DENND1B: variants seen among roughly 807,000 people sequenced by gnomAD.
DENND1B encodes DENN domain containing 1B, also known as DENN domain-containing protein 1B.
DENND1B carries 59 observed loss-of-function variants against 90.1 expected under a neutral mutation model. The ratio of observed to expected loss-of-function variants is 0.65; its 90% CI spans 0.53 to 0.81. The LOEUF is 0.81. Among genes scored for constraint, DENND1B ranks in the 40% least tolerant of loss-of-function variants. DENND1B has a pLI of 0.00. For synonymous variants in DENND1B, 337 were observed against 324.6 expected, an observed-to-expected ratio of 1.04 and a Z score of -0.41; for missense variants, 862 against 912.6, an observed-to-expected ratio of 0.94 and a Z score of 0.71.
At chr1:197,584,108 A>G (rs1674486626) in intron 14 of DENND1B, among the ~76,000 whole-genome samples, 1 of 152,198 alleles carries the variant, frequency 6.6e-6, no homozygotes. Context: ...TGTCATAGGA[A>G]AAAGAAAAAG....
chr1:197,615,981 G>GA (rs1423341917), intron 11 of DENND1B, among the ~76,000 whole-genome samples: 3 of 150,816 alleles, frequency 2.0e-5, no homozygotes, highest in African/African-American at 7.3e-5. Flanking sequence ...AAAAGATCTG[G>GA]AAAAAAATTA....
intron 2 of DENND1B, among the ~76,000 whole-genome samples, chr1:197,737,154 A>C (rs1488787684): frequency 6.6e-6 from 1 of 152,130 alleles, no homozygotes; most frequent in Non-Finnish European, 1.5e-5. Flanking sequence ...CCTTTCCTAC[A>C]ATCAGCTATA....
At chr1:197,540,880 C>T (rs2125655835) in intron 19 of DENND1B, 79 bp downstream of exon 19, 3 of 1,368,414 alleles carry the variant, frequency 2.2e-6, no homozygotes, top group Non-Finnish European at 3.1e-6. Context: ...ATTAAAAACA[C>T]AAATTTCTAA....
chr1:197,776,627 G>A (rs1269323360), upstream of DENND1B, among the ~76,000 whole-genome samples: 1 of 152,178 alleles, frequency 6.6e-6, no homozygotes, highest in Non-Finnish European at 1.5e-5. Context: ...TGAGTCATAA[G>A]ACATAAAAGT....
intron 3 of DENND1B, among the ~76,000 whole-genome samples, chr1:197,714,507 T>A (rs1049778576): frequency 1.0e-3 from 152 of 152,220 alleles, no homozygotes; most frequent in African/African-American, 3.5e-3. Flanking sequence ...CATCCAGTAG[T>A]CTTGCATGCC....
chr1:197,682,598 C>T (rs1558396642), intron 3 of DENND1B, among the ~76,000 whole-genome samples: 1 of 152,030 alleles, frequency 6.6e-6, no homozygotes, highest in Admixed American at 6.6e-5. Flanking sequence ...CTCTAGAAGA[C>T]AGACATATAA....
chr1:197,631,129 A>C (rs957386152), intron 10 of DENND1B, among the ~76,000 whole-genome samples: 2 of 152,134 alleles, frequency 1.3e-5, no homozygotes, highest in African/African-American at 4.8e-5. Flanking sequence ...CCAAAATTAA[A>C]GAGTGTAACA....
intron 15 of DENND1B, 42 bp downstream of exon 15, chr1:197,583,110 A>C: frequency 6.5e-7 from 1 of 1,529,114 alleles, no homozygotes; most frequent in Non-Finnish European, 9.1e-7. Context: ...TAAAACTGAC[A>C]ATGTTGTCTT....
intron 2 of DENND1B, among the ~76,000 whole-genome samples, chr1:197,750,029 T>C (rs1653262495): frequency 6.6e-6 from 1 of 152,116 alleles, no homozygotes; most frequent in South Asian, 2.1e-4. Flanking sequence ...TTATGGTTTG[T>C]TGAGATGAGG....
At chr1:197,638,452 A>G (rs1471333640) in intron 10 of DENND1B, among the ~76,000 whole-genome samples, 1 of 152,214 alleles carries the variant, frequency 6.6e-6, no homozygotes, top group Non-Finnish European at 1.5e-5. Flanking sequence ...CAGGATGATG[A>G]GAAAGCTCCT....
At position 197,509,125 on chromosome 1, in the gene DENND1B, G is replaced by A. The variant is rs1481810288; in HGVS notation, c.*1335C>T. The stretch of plus-strand genomic sequence containing the variant: ...TGTTGACAGTACGTACCCTTGATAT[G>A]ACCTGATGAAAATGGCACTTTACTT... On this transcript the variant is annotated 3_prime_UTR_variant, in exon 23 of 23. Transcript: ENST00000620048. The A allele has an allele frequency of 5.9e-5, 9 of 151,564 alleles. No homozygotes were observed. Among genetic ancestry groups the A allele is most frequent in the Non-Finnish European group, 1.2e-4 (8 of 67,782 alleles). The allele number at this position is 151,564 out of a possible 1,614,324, so 9.4% of individuals were successfully genotyped here.
intron 12 of DENND1B, among the ~76,000 whole-genome samples, chr1:197,607,535 A>G (rs1231306942): frequency 6.6e-6 from 1 of 150,882 alleles, no homozygotes; most frequent in Non-Finnish European, 1.5e-5. Context: ...GGCCAGCTCT[A>G]TACCTATGTT....
intron 20 of DENND1B, among the ~76,000 whole-genome samples, chr1:197,514,665 G>C (rs1668275561): frequency 6.6e-6 from 1 of 151,452 alleles, no homozygotes; most frequent in South Asian, 2.1e-4. Context: ...GGTTTCTGGG[G>C]ATTTTTGTAA....
Position 197,583,245 on chromosome 1 carries a change from G to A in DENND1B, c.1056C>T (p.Pro352=), listed in dbSNP as rs761362792. Residue 352 remains proline, a synonymous_variant, in exon 15 of 23, where the codon CCC becomes CCT. Coordinates refer to ENST00000620048, the MANE Select transcript of DENND1B (RefSeq NM_001195215.2). Reference sequence around the variant, plus strand: ...CAAAACTCTCCTCACAGAAAGTGATGGGCTCACCCTAGATAGAAATAAAGA... The same window carrying A: ...CAAAACTCTCCTCACAGAAAGTGATAGGCTCACCCTAGATAGAAATAAAGA... ...RDALRYKPGE[P]ITFCEESFVK... 5 of 1,613,540 alleles carry A rather than the reference G, an allele frequency of 3.1e-6. No homozygotes were observed. The South Asian group carries it at 4.4e-5, about 14-fold the overall frequency.
chr1:197,745,616 T>TTATATATATATATATA (rs60118343), intron 2 of DENND1B, among the ~76,000 whole-genome samples: 1 of 71,818 alleles, frequency 1.4e-5, no homozygotes, highest in African/African-American at 6.9e-5. Flanking sequence ...CATATATATA[T>TTATATATATATATATA]TATATATATA....
intron 9 of DENND1B, among the ~76,000 whole-genome samples, chr1:197,643,156 T>A (rs1680423133): frequency 6.6e-6 from 1 of 151,980 alleles, no homozygotes; most frequent in Admixed American, 6.6e-5. Context: ...CTTTAGTGTA[T>A]GTCCCCAAGA....
chr1:197,657,342 T>C lies in DENND1B; in HGVS notation c.366+958A>G, dbSNP rs569198821. On this transcript the variant is annotated intron_variant, in intron 6 of 22. Transcript: ENST00000620048. ...AAAAGAGTTCCAACAAGTACTTCTCTAGAGACTTTTCCTGACTCTCCAGGT... is the reference window on the plus strand; with the variant it reads ...AAAAGAGTTCCAACAAGTACTTCTCCAGAGACTTTTCCTGACTCTCCAGGT... Among the ~76,000 whole-genome samples the C allele has an allele frequency of 1.5e-3, 232 of 152,292 alleles. 1 individual carries two copies. The highest frequency in any genetic ancestry group is 6.8e-3 in the Middle Eastern group (2 of 294).
intron 3 of DENND1B, among the ~76,000 whole-genome samples, chr1:197,686,297 A>T (rs534220112): frequency 6.6e-6 from 1 of 152,230 alleles, no homozygotes; most frequent in Non-Finnish European, 1.5e-5. Context: ...AAAATAAAAC[A>T]GGAATGACTA....
chr1:197,630,777 C>T (rs1220922092), intron 10 of DENND1B, among the ~76,000 whole-genome samples: 1 of 151,940 alleles, frequency 6.6e-6, no homozygotes, highest in African/African-American at 2.4e-5. Context: ...GTCAATTGCC[C>T]AAGATTACTA....
Sources: allele counts gnomAD v4.1 joint callset (sites outside exome capture counted in the v4.1 genomes callset), GRCh38; gene constraint gnomAD v4.1.1; transcripts MANE v1.5; gene names NCBI Gene and HGNC (gene_info 2026-07-23, HGNC 2026-07-21).